Variants in NOVA1 observed in about 807,000 individuals in gnomAD.
NOVA1 encodes NOVA alternative splicing regulator 1, also known as RNA-binding protein Nova-1.
In NOVA1, 7 loss-of-function variants were observed where a neutral mutation model predicts 38.0. The ratio of observed to expected loss-of-function variants is 0.18; its 90% CI spans 0.10 to 0.35. The LOEUF is 0.35. NOVA1 is among the 10% of genes least tolerant of loss of function. The pLI, the probability that NOVA1 is intolerant of heterozygous loss-of-function variation, is 1.00. For synonymous variants in NOVA1, 270 were observed against 232.5 expected (o/e 1.16, Z -1.47); for missense variants, 460 against 616.0 (o/e 0.75, Z 2.68).
At chr14:26,488,425 C>T (rs1260264256) in intron 2 of NOVA1, among the ~76,000 whole-genome samples, 1 of 152,164 alleles carries the variant, frequency 6.6e-6, no homozygotes, top group African/African-American at 2.4e-5. Flanking sequence ...ACTTAACTAG[C>T]TATTCCCATA....
intron 2 of NOVA1, among the ~76,000 whole-genome samples, chr14:26,495,047 C>T (rs1029084345): frequency 1.3e-5 from 2 of 152,142 alleles, no homozygotes; most frequent in African/African-American, 4.8e-5. Context: ...TTTTTCTTCA[C>T]TCCAGGGAGT....
chr14:26,467,910 G>A (rs2284910), intron 4 of NOVA1, among the ~76,000 whole-genome samples: 44,115 of 151,914 alleles, frequency 0.29, 6,965 homozygotes, highest in African/African-American at 0.41. Context: ...TGTGGGGGTT[G>A]TGGTAGGGAC....
intron 4 of NOVA1, among the ~76,000 whole-genome samples, chr14:26,460,225 C>T (rs1440064306): frequency 1.3e-5 from 2 of 151,944 alleles, no homozygotes; most frequent in East Asian, 3.9e-4. Flanking sequence ...TGATTATTTA[C>T]TATCCCAAAT....
chr14:26,492,154 C>G (rs574160385), intron 2 of NOVA1, among the ~76,000 whole-genome samples: 1 of 152,064 alleles, frequency 6.6e-6, no homozygotes, highest in Non-Finnish European at 1.5e-5. Context: ...CTACTGTAAA[C>G]GAAATTTATT....
At chr14:26,589,087 T>A (rs1164165660) in intron 2 of NOVA1, among the ~76,000 whole-genome samples, 1 of 151,590 alleles carries the variant, frequency 6.6e-6, no homozygotes, top group South Asian at 2.1e-4. Flanking sequence ...AAATTCAGAT[T>A]AGTAAATTTA....
Position 26,448,406 on chromosome 14 carries a change from G to GGCT in NOVA1, c.1074_1076dup (p.Ala359dup). 1 of 1,611,892 alleles carries GGCT rather than the reference G, an allele frequency of 6.2e-7. No homozygotes were observed. The highest frequency in any genetic ancestry group is 8.5e-7 in the Non-Finnish European group (1 of 1,179,426). The stretch of plus-strand genomic sequence containing the variant: ...CACTGGCATAGGTGGCCAATAAATT[G>GGCT]GCTGCTGCTGCTGCTGGGTTGGCAC... On this transcript the variant is annotated inframe_insertion, in exon 5 of 5. Coordinates refer to ENST00000539517, the MANE Select transcript of NOVA1 (RefSeq NM_002515.3). This position sits in a 1 kb window ranked among gnomAD's most constrained non-coding sequence, Gnocchi z 5.3.
chr14:26,483,702 A>T (rs1183228457), intron 2 of NOVA1, among the ~76,000 whole-genome samples: 1 of 152,234 alleles, frequency 6.6e-6, no homozygotes, highest in African/African-American at 2.4e-5. Flanking sequence ...AGCACTATAG[A>T]TTAATACTGA....
intron 2 of NOVA1, among the ~76,000 whole-genome samples, chr14:26,586,421 T>G (rs1397750762): frequency 6.6e-6 from 1 of 151,304 alleles, no homozygotes; most frequent in Non-Finnish European, 1.5e-5. Context: ...CTCATGCTTA[T>G]TTTTTAATCA....
intron 2 of NOVA1, among the ~76,000 whole-genome samples, chr14:26,555,797 G>A (rs1291795607): frequency 6.6e-6 from 1 of 152,056 alleles, no homozygotes; most frequent in South Asian, 2.1e-4. Context: ...TATCACTTAT[G>A]TCAACCAGGA....
intron 2 of NOVA1, among the ~76,000 whole-genome samples, chr14:26,542,726 G>GT (rs1890542896): frequency 1.1e-5 from 1 of 91,868 alleles, no homozygotes; most frequent in Non-Finnish European, 2.2e-5. Context: ...AGAAAATTTT[G>GT]TAATGGCAAA....
intron 4 of NOVA1, among the ~76,000 whole-genome samples, chr14:26,456,328 C>T (rs951507641): frequency 1.3e-5 from 2 of 151,890 alleles, no homozygotes; most frequent in African/African-American, 4.8e-5. Flanking sequence ...GCCTATCAGT[C>T]ATCCAAGTGA....
chr14:26,566,337 C>G (rs1892134614), intron 2 of NOVA1, among the ~76,000 whole-genome samples: 1 of 151,828 alleles, frequency 6.6e-6, no homozygotes, highest in African/African-American at 2.4e-5. Context: ...CAAGCATACA[C>G]AGAGTATATT....
At chr14:26,500,352 C>T (rs1284666563) in intron 2 of NOVA1, among the ~76,000 whole-genome samples, 1 of 152,000 alleles carries the variant, frequency 6.6e-6, no homozygotes, top group African/African-American at 2.4e-5. Flanking sequence ...GCAGGAAAAG[C>T]TTACTGCTCG....
intron 2 of NOVA1, among the ~76,000 whole-genome samples, chr14:26,508,825 TATTTTAAAAATGAATTTTAA>T (rs1248901541): frequency 1.3e-5 from 2 of 151,916 alleles, no homozygotes; most frequent in Non-Finnish European, 2.9e-5. Context: ...AAAATCTTTA[TATTTTAAAAATGAATTTTAA>T]ATTTTAAAAT....
At chr14:26,560,407 A>G (rs1891749364) in intron 2 of NOVA1, among the ~76,000 whole-genome samples, 2 of 152,146 alleles carry the variant, frequency 1.3e-5, no homozygotes, top group African/African-American at 4.8e-5. Flanking sequence ...TAATTTCCTG[A>G]GGCTTTTGGG....
chr14:26,562,873 C>T (rs189752531), intron 2 of NOVA1, among the ~76,000 whole-genome samples: 2 of 152,058 alleles, frequency 1.3e-5, no homozygotes, highest in Non-Finnish European at 2.9e-5. Context: ...CTACAACTAC[C>T]AGGCAAAACA....
At chr14:26,500,504 G>T (rs1011737217) in intron 2 of NOVA1, among the ~76,000 whole-genome samples, 1 of 145,244 alleles carries the variant, frequency 6.9e-6, no homozygotes, top group South Asian at 2.2e-4. Context: ...CCTCCCAGGA[G>T]AAAAAAAAAA....
intron 2 of NOVA1, among the ~76,000 whole-genome samples, chr14:26,547,227 G>A (rs1890847403): frequency 6.6e-6 from 1 of 151,822 alleles, no homozygotes; most frequent in South Asian, 2.1e-4. Flanking sequence ...CCACAATTCT[G>A]GCCTTTCACA....
At chr14:26,483,493 T>TC (rs1885626385) in intron 2 of NOVA1, among the ~76,000 whole-genome samples, 1 of 152,164 alleles carries the variant, frequency 6.6e-6, no homozygotes, top group Non-Finnish European at 1.5e-5. Context: ...CATAAATGGA[T>TC]AAAATCATCA....
Sources: gnomAD v4.1 joint callset for allele counts (sites outside exome capture counted in the v4.1 genomes callset) on GRCh38, gnomAD v4.1.1 for gene constraint, Gnocchi (gnomAD v3.1) non-coding constraint, MANE v1.5 for transcripts, NCBI Gene and HGNC (gene_info 2026-07-23, HGNC 2026-07-21) for gene names.